Variants in SCP2 observed in about 807,000 individuals in gnomAD.
SCP2 encodes SCP-2/3-oxoacyl-CoA thiolase.
SCP2 carries 48 observed loss-of-function variants against 71.4 expected under a neutral mutation model. The observed-to-expected ratio is 0.67, with a 90% CI of 0.53 to 0.86. The LOEUF (loss-of-function observed/expected upper bound fraction) is 0.86, where lower values mean the gene tolerates loss of function less well. Among genes scored for constraint, SCP2 ranks in the 40% least tolerant of loss-of-function variants. SCP2 has a pLI of 0.00. For synonymous variants in SCP2, 220 were observed against 218.1 expected (o/e 1.01, Z -0.08); for missense variants, 560 against 655.6 (o/e 0.85, Z 1.59).
At chr1:53,037,975 A>AGATCCAGATCCTGT in intron 13 of SCP2, among the ~76,000 whole-genome samples, 1 of 143,550 alleles carries the variant, frequency 7.0e-6, no homozygotes, top group East Asian at 2.2e-4. Context: ...ACACACACAC[A>AGATCCAGATCCTGT]CACACACACA....
intron 12 of SCP2, among the ~76,000 whole-genome samples, chr1:53,025,888 A>G (rs1303201973): frequency 6.6e-6 from 1 of 152,108 alleles, no homozygotes. Context: ...CTGCATCATC[A>G]TTTGGCCTGC....
At chr1:52,955,646 C>G (rs369958582) in intron 5 of SCP2, among the ~76,000 whole-genome samples, 8 of 152,130 alleles carry the variant, frequency 5.3e-5, no homozygotes, top group African/African-American at 1.9e-4. Context: ...AACCTCAAAC[C>G]ATGAATTGAA....
intron 1 of SCP2, chr1:52,928,638 G>A (rs1652786324): frequency 6.5e-6 from 1 of 154,116 alleles, no homozygotes; most frequent in African/African-American, 2.4e-5. Context: ...AAAATTAGTC[G>A]GGCATGGTAG....
chr1:52,962,302 T>C (rs1656540641), intron 6 of SCP2, among the ~76,000 whole-genome samples: 1 of 152,194 alleles, frequency 6.6e-6, no homozygotes, highest in Non-Finnish European at 1.5e-5. Context: ...CTTTTCTCTA[T>C]ATTCTCAGTC....
At chr1:52,944,593 A>T (rs1654593727) in intron 2 of SCP2, among the ~76,000 whole-genome samples, 2 of 151,986 alleles carry the variant, frequency 1.3e-5, no homozygotes, top group Non-Finnish European at 2.9e-5. Context: ...CTTTCTCTAT[A>T]TTTTTTGACC....
chr1:53,014,813 T>G, intron 11 of SCP2, 77 bp from the exon 12 acceptor site: 1 of 1,538,154 alleles, frequency 6.5e-7, no homozygotes, highest in Admixed American at 1.9e-5. Flanking sequence ...ATGCTTTAAT[T>G]TAAAGTCACA....
In SCP2 at chr1:52,981,093, G is replaced by A. The variant is rs565057052; in HGVS notation, c.973+550G>A. Among the ~76,000 whole-genome samples, 325 of 152,070 alleles carry A rather than the reference G, an allele frequency of 2.1e-3. 1 individual carries two copies. Among genetic ancestry groups the A allele is most frequent in the Middle Eastern group, 3.4e-3 (1 of 294 alleles). ...ATTACAGGCACCTGCCAACACGCCC[G>A]GCTAATTTTTGTATTTTTAGTAGAG... On this transcript the variant is annotated intron_variant, in intron 10 of 15. Transcript: ENST00000371514.
chr1:52,948,989 G>A (rs1000845353), intron 3 of SCP2, among the ~76,000 whole-genome samples: 7 of 150,864 alleles, frequency 4.6e-5, no homozygotes, highest in Admixed American at 2.6e-4. Flanking sequence ...AGGTGTGTGT[G>A]GGAACCCCTA....
intron 13 of SCP2, among the ~76,000 whole-genome samples, chr1:53,037,875 T>TACAC (rs1298266602): frequency 2.0e-4 from 19 of 96,534 alleles, no homozygotes; most frequent in Non-Finnish European, 3.0e-4. Flanking sequence ...ATCCTGTCTC[T>TACAC]ACATACACAC....
intron 11 of SCP2, among the ~76,000 whole-genome samples, chr1:53,007,951 C>T (rs1231707078): frequency 1.3e-5 from 2 of 151,846 alleles, no homozygotes; most frequent in Non-Finnish European, 2.9e-5. Flanking sequence ...GGGGATATCA[C>T]CACCGATACC....
intron 6 of SCP2, among the ~76,000 whole-genome samples, chr1:52,969,633 C>T (rs1382700867): frequency 6.6e-6 from 1 of 152,058 alleles, no homozygotes; most frequent in African/African-American, 2.4e-5. Flanking sequence ...ACCAGCCTGG[C>T]CAACATGGTG....
chr1:53,010,391 A>G (rs979299192), intron 11 of SCP2, among the ~76,000 whole-genome samples: 8 of 152,238 alleles, frequency 5.3e-5, no homozygotes, highest in East Asian at 3.8e-4. Context: ...ATGTCCATCA[A>G]TGATATAGTG....
intron 6 of SCP2, 58 bp downstream of exon 6, chr1:52,961,687 A>C: frequency 9.7e-5 from 133 of 1,373,486 alleles, no homozygotes; most frequent in Non-Finnish European, 1.3e-4. Context: ...TGAGATGAGA[A>C]ATGACAGTTA....
At chr1:52,968,188 C>T (rs1327380051) in intron 6 of SCP2, among the ~76,000 whole-genome samples, 6 of 152,118 alleles carry the variant, frequency 3.9e-5, no homozygotes, top group Admixed American at 3.9e-4. Context: ...GTGATCGGCC[C>T]GTCTTGGCCT....
rs548700068 is a variant in SCP2, at chr1:53,007,181, G to A, written c.1082-7709G>A. ...AATTAGACTCCCACACAATAATAATGGGAGACTTTAATACCCCACTGTCAA... is the reference window on the plus strand; with the variant it reads ...AATTAGACTCCCACACAATAATAATAGGAGACTTTAATACCCCACTGTCAA... On this transcript the variant is annotated intron_variant, in intron 11 of 15. Coordinates refer to ENST00000371514, the MANE Select transcript of SCP2 (RefSeq NM_002979.5). 3.3e-5 allele frequency among the ~76,000 whole-genome samples: 5 copies of A among 152,250 alleles called. No individual in the cohort carries two copies. In the East Asian group the frequency reaches 9.7e-4, roughly 29 times the overall value.
At chr1:52,995,890 T>TGAG in intron 11 of SCP2, 1 of 1,472,842 alleles carries the variant, frequency 6.8e-7, no homozygotes, top group East Asian at 2.3e-5. Flanking sequence ...GGTACACAGC[T>TGAG]GAGGGCATGG....
At chr1:52,970,938 A>G (rs1377414767) in intron 6 of SCP2, among the ~76,000 whole-genome samples, 1 of 80,986 alleles carries the variant, frequency 1.2e-5, no homozygotes. Context: ...GTTATTCTGT[A>G]TTGGTTTTAG....
rs564061392 is a variant in SCP2, at chr1:52,991,683, A to G, written c.1081+3547A>G. Among the ~76,000 whole-genome samples the G allele has an allele frequency of 6.9e-4, 104 of 151,786 alleles. 1 individual carries two copies. The highest frequency in any genetic ancestry group is 1.3e-3 in the Non-Finnish European group (90 of 67,946). The stretch of plus-strand genomic sequence containing the variant: ...CAAAGTGCTGGGATTACAGGCATGA[A>G]CCACCACGCCCAGCCCAAACCTCTT... On this transcript the variant is annotated intron_variant, in intron 11 of 15. Coordinates refer to ENST00000371514, the MANE Select transcript of SCP2 (RefSeq NM_002979.5).
chr1:53,012,856 T>C (rs11580480), intron 11 of SCP2, among the ~76,000 whole-genome samples: 48,084 of 152,102 alleles, frequency 0.32, 12,705 homozygotes, highest in African/African-American at 0.72. Flanking sequence ...TTATCAATGG[T>C]GAGATTGAGT....
Sources: allele counts gnomAD v4.1 joint callset (sites outside exome capture counted in the v4.1 genomes callset), GRCh38; gene constraint gnomAD v4.1.1; transcripts MANE v1.5; gene names NCBI Gene and HGNC (gene_info 2026-07-23, HGNC 2026-07-21).